Variants in TMCC1 observed in about 807,000 individuals in gnomAD.
The protein encoded by TMCC1 is transmembrane and coiled-coil domain family 1, also known as transmembrane and coiled-coil domains protein 1.
Under a neutral mutation model 52.4 loss-of-function variants are expected in TMCC1, and 15 were observed. The ratio of observed to expected loss-of-function variants is 0.29; its 90% CI spans 0.19 to 0.44. TMCC1 has a LOEUF of 0.44. TMCC1 is among the 20% of genes least tolerant of loss of function. The pLI is 1.00. For synonymous variants in TMCC1, 279 were observed against 301.9 expected (o/e 0.92, Z 0.79); for missense variants, 503 against 806.0 (o/e 0.62, Z 4.55).
At chr3:129,720,650 T>G (rs781537504) in intron 4 of TMCC1, among the ~76,000 whole-genome samples, 2 of 152,060 alleles carry the variant, frequency 1.3e-5, no homozygotes, top group Non-Finnish European at 2.9e-5. Flanking sequence ...CCAGCCCAAA[T>G]GGCTGACTCA....
intron 4 of TMCC1, among the ~76,000 whole-genome samples, chr3:129,780,547 A>T (rs2055437591): frequency 6.6e-6 from 1 of 152,050 alleles, no homozygotes; most frequent in East Asian, 1.9e-4. Flanking sequence ...CTTTTTACTT[A>T]GCCATTCTAC....
At chr3:129,685,457 C>G (rs968909393) in intron 4 of TMCC1, among the ~76,000 whole-genome samples, 2 of 147,248 alleles carry the variant, frequency 1.4e-5, no homozygotes, top group Non-Finnish European at 3.0e-5. Context: ...GAGGAGGTAA[C>G]AATAAAAATG....
intron 5 of TMCC1, among the ~76,000 whole-genome samples, chr3:129,669,570 G>A (rs113053246): frequency 0.026 from 3,945 of 152,166 alleles, 79 homozygotes; most frequent in Non-Finnish European, 0.04. Context: ...GAGTAGCTGG[G>A]ATTACAGGCA....
intron 4 of TMCC1, among the ~76,000 whole-genome samples, chr3:129,738,273 CA>C (rs575044593): frequency 2.6e-4 from 31 of 118,592 alleles, no homozygotes; most frequent in East Asian, 2.5e-3. Flanking sequence ...TCCGCCTAAA[CA>C]AAAAAAAAAA....
In TMCC1 at chr3:129,893,503, G is replaced by A. The variant is rs1251111964; in HGVS notation, c.-444C>T. The stretch of plus-strand genomic sequence containing the variant: ...GGGGGCGCTCACTCACCGGCGGGGA[G>A]GGGAGGAGCAGCCGGCGTCTCCGCC... On this transcript the variant is annotated 5_prime_UTR_variant, in exon 1 of 7. Transcript: ENST00000393238. 3.3e-5 allele frequency: 5 copies of A among 152,158 alleles called. No homozygotes were observed. Among genetic ancestry groups the A allele is most frequent in the African/African-American group, 1.2e-4 (5 of 41,396 alleles). 9.4% of individuals were successfully genotyped at this position (152,158 alleles called of 1,614,324 possible). A position where few individuals can be genotyped will look rare whatever the true frequency, so the allele number is the denominator to read the frequency against.
At chr3:129,658,251 A>G (rs959112344) in intron 5 of TMCC1, among the ~76,000 whole-genome samples, 5 of 152,198 alleles carry the variant, frequency 3.3e-5, no homozygotes, top group Non-Finnish European at 7.3e-5. Context: ...AAACTACAAA[A>G]TAGGCTGACT....
chr3:129,682,887 G>A (rs906619658), intron 4 of TMCC1, among the ~76,000 whole-genome samples: 13 of 152,182 alleles, frequency 8.5e-5, no homozygotes, highest in Non-Finnish European at 1.8e-4. Context: ...CTAGACTGGA[G>A]TGCAATGGCG....
At chr3:129,763,181 G>T (rs1280684777) in intron 4 of TMCC1, among the ~76,000 whole-genome samples, 1 of 147,234 alleles carries the variant, frequency 6.8e-6, no homozygotes, top group East Asian at 1.9e-4. Context: ...CTGGGTGACA[G>T]AGCAAGACTC....
chr3:129,686,486 C>T (rs563927867), intron 4 of TMCC1, among the ~76,000 whole-genome samples: 1 of 152,260 alleles, frequency 6.6e-6, no homozygotes, highest in South Asian at 2.1e-4. Flanking sequence ...AGTGCTTATC[C>T]TATTTTTTCT....
At chr3:129,804,660 T>C (rs2057365744) in intron 4 of TMCC1, among the ~76,000 whole-genome samples, 1 of 152,192 alleles carries the variant, frequency 6.6e-6, no homozygotes, top group African/African-American at 2.4e-5. Context: ...GCCAGGTATT[T>C]GGAGAGTATG....
intron 1 of TMCC1, among the ~76,000 whole-genome samples, chr3:129,889,270 TCAAAAAAACAAACAAA>T (rs1298825912): frequency 6.6e-6 from 1 of 151,960 alleles, no homozygotes; most frequent in African/African-American, 2.4e-5. Flanking sequence ...AGATCCTGTC[TCAAAAAAACAAACAAA>T]CAAAACCTGA....
intron 4 of TMCC1, among the ~76,000 whole-genome samples, chr3:129,746,316 G>A (rs942317706): frequency 6.0e-5 from 9 of 150,752 alleles, no homozygotes; most frequent in East Asian, 5.9e-4. Context: ...GACTACAGGC[G>A]TGCGCCACCA....
chr3:129,833,900 G>T (rs2059036243), intron 2 of TMCC1, among the ~76,000 whole-genome samples: 1 of 152,110 alleles, frequency 6.6e-6, no homozygotes, highest in Admixed American at 6.5e-5. Flanking sequence ...TACCAGAGAA[G>T]CAATTTAATT....
At position 129,648,573 on chromosome 3, in the gene TMCC1, C is replaced by G. The variant is rs1464303634; in HGVS notation, c.*2908G>C. ...TCATAAACAATGTAAAATGCGCATT[C>G]TACAACCTGAACAATCACCCAGGCC... On this transcript the variant is annotated 3_prime_UTR_variant, in exon 7 of 7. Coordinates refer to ENST00000393238, the MANE Select transcript of TMCC1 (RefSeq NM_001017395.5). 1 of 152,240 alleles carries G rather than the reference C, an allele frequency of 6.6e-6. No homozygotes were observed. Among genetic ancestry groups the G allele is most frequent in the Non-Finnish European group, 1.5e-5 (1 of 68,054 alleles). The allele number at this position is 152,240 out of a possible 1,614,324, so 9.4% of individuals were successfully genotyped here.
chr3:129,688,315 C>T (rs936589055), intron 4 of TMCC1: 4 of 985,162 alleles, frequency 4.1e-6, no homozygotes, highest in Admixed American at 1.2e-4. Context: ...TCCATTTGTT[C>T]CAGCTTCCAA....
At chr3:129,796,786 A>T (rs990447355) in intron 4 of TMCC1, among the ~76,000 whole-genome samples, 1 of 152,208 alleles carries the variant, frequency 6.6e-6, no homozygotes. Flanking sequence ...CGCTGCAGTG[A>T]GGCATGATGC....
intron 2 of TMCC1, among the ~76,000 whole-genome samples, chr3:129,835,096 T>G (rs1402594438): frequency 6.6e-6 from 1 of 152,150 alleles, no homozygotes; most frequent in Non-Finnish European, 1.5e-5. Flanking sequence ...GAAATTTCAG[T>G]TTTCCTTTCT....
chr3:129,799,604 A>G (rs1048520896), intron 4 of TMCC1, among the ~76,000 whole-genome samples: 2 of 152,066 alleles, frequency 1.3e-5, no homozygotes, highest in African/African-American at 4.8e-5. Flanking sequence ...AGATCAGGAG[A>G]TCGAGACCAT....
intron 2 of TMCC1, among the ~76,000 whole-genome samples, chr3:129,859,651 T>TACACAC (rs59213877): frequency 2.0e-5 from 3 of 148,690 alleles, no homozygotes; most frequent in African/African-American, 7.5e-5. Context: ...CACACACACA[T>TACACAC]ACACACACAC....
Sources: allele counts gnomAD v4.1 joint callset (sites outside exome capture counted in the v4.1 genomes callset), GRCh38; gene constraint gnomAD v4.1.1; transcripts MANE v1.5; gene names NCBI Gene and HGNC (gene_info 2026-07-23, HGNC 2026-07-21).